The following PTDSS2 variants were observed in gnomAD, a reference collection of about 807,000 sequenced individuals.
PTDSS2 encodes the protein PSS-2.
In PTDSS2, 41 loss-of-function variants were observed where a neutral mutation model predicts 64.7. The ratio of observed to expected loss-of-function variants is 0.63; its 90% confidence interval spans 0.49 to 0.82. PTDSS2 has a LOEUF of 0.82. Among genes scored for constraint, PTDSS2 ranks in the 40% least tolerant of loss-of-function variants. PTDSS2 has a pLI of 0.00. For missense variants in PTDSS2, 485 were observed against 650.0 expected (o/e 0.75, Z 2.76); for synonymous variants, 297 against 277.8 (o/e 1.07, Z -0.69).
At chr11:488,971 A>G (rs1015759025) in intron 8 of PTDSS2, among the ~76,000 whole-genome samples, 3 of 152,232 alleles carry the variant, frequency 2.0e-5, no homozygotes, top group Admixed American at 1.3e-4. Context: ...CTTTGTCATT[A>G]TGACTTTGGA....
intron 3 of PTDSS2, among the ~76,000 whole-genome samples, chr11:478,565 G>A (rs912453089): frequency 6.6e-6 from 1 of 152,088 alleles, no homozygotes; most frequent in African/African-American, 2.4e-5. Context: ...TGGCCAACAT[G>A]GTGAAACCCT....
At chr11:485,406 G>A (rs181141926) in intron 4 of PTDSS2, among the ~76,000 whole-genome samples, 1 of 143,922 alleles carries the variant, frequency 6.9e-6, no homozygotes. Context: ...GCAGGCGACC[G>A]TAAACAGTGC....
chr11:449,685 C>T (rs374469212), upstream of PTDSS2, among the ~76,000 whole-genome samples: 4 of 152,064 alleles, frequency 2.6e-5, no homozygotes, highest in Non-Finnish European at 5.9e-5. Context: ...CGCGGTGGCT[C>T]GCGCCTGTAA....
intron 2 of PTDSS2, chr11:463,917 A>C (rs1847022038): frequency 1.3e-5 from 2 of 152,112 alleles, no homozygotes; most frequent in Admixed American, 1.3e-4. Context: ...GTCTTTATTC[A>C]GCTTGCTGTC....
At position 490,458 on chromosome 11, in the gene PTDSS2, A is replaced by C; in HGVS notation, c.1340A>C (p.Lys447Thr). The stretch of plus-strand genomic sequence containing the variant: ...AGGTACAAGGAGACCCGGTGGCAGA[A>C]GTGGCAGAACAAGGATGACCAGGGC... ...TLRYKETRWQ[K>T]WQNKDDQGST... The change falls in exon 12 of 12, where the codon AAG becomes ACG. Residue 447 changes from lysine (K) to threonine (T), a missense_variant. Physicochemically the swap from Lys to Thr is moderately conservative, Grantham distance 78. This residue lies in a region of PTDSS2 where 219 missense variants were observed against 257.3 expected (regional missense o/e 0.85). Coordinates refer to ENST00000308020, the MANE Select transcript of PTDSS2 (RefSeq NM_030783.3). 6.2e-7 allele frequency: 1 copy of C among 1,613,206 alleles called. No individual in the cohort carries two copies. The highest frequency in any genetic ancestry group is 8.5e-7 in the Non-Finnish European group (1 of 1,179,938).
At chr11:478,495 C>T (rs1273805819) in intron 3 of PTDSS2, among the ~76,000 whole-genome samples, 1 of 151,696 alleles carries the variant, frequency 6.6e-6, no homozygotes, top group East Asian at 1.9e-4. Flanking sequence ...ACCTGTAATC[C>T]CAGCACTTTG....
chr11:490,647 G>A lies in PTDSS2; in HGVS notation c.*65G>A. On this transcript the variant is annotated 3_prime_UTR_variant, in exon 12 of 12. Transcript: ENST00000308020. ...GCCTCCGTGGCCTCCTCCTGTGTGA[G>A]TCCCACCAGGAGCCACGTGCCCGGC... 6.8e-7 allele frequency: 1 copy of A among 1,467,300 alleles called. No homozygotes were observed. Among genetic ancestry groups the A allele is most frequent in the Non-Finnish European group, 9.2e-7 (1 of 1,091,766 alleles). 90.9% of individuals were successfully genotyped at this position (1,467,300 alleles called of 1,614,324 possible). A position where few individuals can be genotyped will look rare whatever the true frequency, so the allele number is the denominator to read the frequency against.
chr11:488,371 C>G (rs1044797500), intron 7 of PTDSS2, 59 bp downstream of exon 7: 21 of 1,469,736 alleles, frequency 1.4e-5, no homozygotes, highest in Non-Finnish European at 2.0e-5. Flanking sequence ...TTCTCGGAAC[C>G]CCTGTGCCCA....
rs774523758 is a variant in PTDSS2 at position 473,904 on chromosome 11, G to A, written c.294G>A (p.Val98=). Residue 98 remains valine (V), a synonymous_variant, in exon 3 of 12, where the codon GTG becomes GTA. Coordinates refer to ENST00000308020, the MANE Select transcript of PTDSS2 (RefSeq NM_030783.3). ...TGTTCTTTATTTGCAGAGGTATTGT[G>A]GCCAGTATTTTGGTTTTCTTATGTT... ...DTAYNTKRGI[V]ASILVFLCFG... The A allele has an allele frequency of 2.5e-6, 4 of 1,613,176 alleles. No homozygotes were observed. The highest frequency in any genetic ancestry group is 1.7e-5 in the Admixed American group (1 of 60,030).
chr11:448,422 G>A (rs908572163), upstream of PTDSS2: 6 of 152,424 alleles, frequency 3.9e-5, no homozygotes, highest in South Asian at 2.1e-4. Flanking sequence ...CCTGGAATGT[G>A]AGCGCCACCT....
chr11:455,466 G>A (rs1025712773), intron 1 of PTDSS2, among the ~76,000 whole-genome samples: 1 of 152,204 alleles, frequency 6.6e-6, no homozygotes, highest in Admixed American at 6.5e-5. Flanking sequence ...TGTCTGTGCT[G>A]TGGGCCCTTG....
chr11:473,932 G>A lies in PTDSS2; in HGVS notation c.322G>A (p.Gly108Arg), dbSNP rs1847599542. 1.9e-6 allele frequency: 3 copies of A among 1,614,086 alleles called. No homozygotes were observed. Among genetic ancestry groups the A allele is most frequent in the Non-Finnish European group, 2.5e-6 (3 of 1,179,914 alleles). ...CAGTATTTTGGTTTTCTTATGTTTT[G>A]GAGTCACACAAGCTAAAGACGGGCC... ...VASILVFLCF[G>R]VTQAKDGPFS... The change falls in exon 3 of 12, where the codon GGA becomes AGA. Residue 108 changes from glycine to arginine, a missense_variant. Transcript: ENST00000308020.
rs748663028 is a variant in PTDSS2, at chr11:460,151, GCT to G, written c.183-33_183-32del. ...GTGAGTATTTAGCAATGCTGCCCAAGCTCTGACACCATGCTTATGCGTTTTTG... is the reference window on the plus strand; with the variant it reads ...GTGAGTATTTAGCAATGCTGCCCAAGCTGACACCATGCTTATGCGTTTTTG... On this transcript the variant is annotated intron_variant, in intron 1 of 11. Transcript: ENST00000308020. This position sits in a 1 kb window ranked among gnomAD's most constrained non-coding sequence, Gnocchi z 5.8. 3.2e-6 allele frequency: 5 copies of G among 1,558,550 alleles called. No homozygotes were observed. The South Asian group carries it at 5.6e-5, about 17-fold the overall frequency.
At position 475,493 on chromosome 11, in the gene PTDSS2, CGTTTGTGTGATACGGCCATATTCACGT is replaced by C. The variant is rs1461480315; in HGVS notation, c.367+1532_367+1558del. 1.1e-3 allele frequency among the ~76,000 whole-genome samples: 174 copies of C among 151,520 alleles called. 1 individual carries two copies. The highest frequency in any genetic ancestry group is 4.0e-3 in the African/African-American group (167 of 41,292). ...CATTTGTGATACAGACATATTCACG[CGTTTGTGTGATACGGCCATATTCACGT>C]GTTTGTGTGATACGGACATTCACGC... is the stretch of plus-strand genomic sequence containing the variant. On this transcript the variant is annotated intron_variant, in intron 3 of 11. Transcript: ENST00000308020.
rs967142461 is a variant in PTDSS2, at chr11:473,177, C to G, written c.285-718C>G. On this transcript the variant is annotated intron_variant, in intron 2 of 11. Transcript: ENST00000308020. The stretch of plus-strand genomic sequence containing the variant: ...TGAGGCCGGCCCCAAGGAGCTTTGC[C>G]GAGGAGGGAGCACCTTGCCCCTGCC... Among the ~76,000 whole-genome samples, 10 of 152,232 alleles carry G rather than the reference C, an allele frequency of 6.6e-5. 1 individual carries two copies. The highest frequency in any genetic ancestry group is 5.2e-4 in the Admixed American group (8 of 15,282).
At position 456,702 on chromosome 11, in the gene PTDSS2, G is replaced by A. The variant is rs369613269; in HGVS notation, c.183-3485G>A. On this transcript the variant is annotated intron_variant, in intron 1 of 11. Coordinates refer to ENST00000308020, the MANE Select transcript of PTDSS2 (RefSeq NM_030783.3). ...TCAGCAGAGGGTGAGTTTCTGGGTC[G>A]CCGAATCCAGGCACCCTTAGGAATG... is the stretch of plus-strand genomic sequence containing the variant. 8.5e-5 allele frequency among the ~76,000 whole-genome samples: 13 copies of A among 152,214 alleles called. 1 individual carries two copies. The South Asian group carries it at 1.5e-3, about 17-fold the overall frequency.
At chr11:477,409 T>C (rs944671420) in intron 3 of PTDSS2, among the ~76,000 whole-genome samples, 1 of 152,014 alleles carries the variant, frequency 6.6e-6, no homozygotes, top group African/African-American at 2.4e-5. Context: ...TGCTGGGGCC[T>C]GGGGGGTGGC....
At chr11:467,330 C>T (rs971151800) in intron 2 of PTDSS2, among the ~76,000 whole-genome samples, 2 of 152,146 alleles carry the variant, frequency 1.3e-5, no homozygotes, top group Non-Finnish European at 2.9e-5. Flanking sequence ...ACTGCATACC[C>T]GACGGAGCAG....
At chr11:490,127 A>C (rs1442350870) in intron 11 of PTDSS2, 59 bp downstream of exon 11, 26 of 1,515,858 alleles carry the variant, frequency 1.7e-5, no homozygotes, top group Non-Finnish European at 1.6e-5. Flanking sequence ...GTCCCTTGGC[A>C]CAGGCACTGT....
Sources: gnomAD v4.1 joint callset for allele counts (sites outside exome capture counted in the v4.1 genomes callset) on GRCh38, gnomAD v4.1.1 for gene constraint, gnomAD v4.1.1 regional missense constraint, Gnocchi (gnomAD v3.1) non-coding constraint, MANE v1.5 for transcripts, NCBI Gene and HGNC (gene_info 2026-07-23, HGNC 2026-07-21) for gene names.